SNX4: variants seen among roughly 807,000 people sequenced by gnomAD.
SNX4 encodes the protein sorting nexin-4.
SNX4 carries 49 observed loss-of-function variants against 70.8 expected under a neutral mutation model. The ratio of observed to expected loss-of-function variants is 0.69; its 90% CI spans 0.55 to 0.88. SNX4 has a LOEUF of 0.88. Ranked by LOEUF, SNX4 falls within the 40% of genes least tolerant of loss-of-function variation. The pLI is 0.00. For synonymous variants in SNX4, 206 were observed against 183.8 expected (o/e 1.12, Z -0.98); for missense variants, 528 against 544.8 (o/e 0.97, Z 0.31).
intron 2 of SNX4, among the ~76,000 whole-genome samples, chr3:125,502,853 C>A (rs1473175317): frequency 0.012 from 1,062 of 86,038 alleles, no homozygotes; most frequent in Middle Eastern, 0.022. Flanking sequence ...GACTCCATCT[C>A]AAAAAAAAAA....
intron 6 of SNX4, among the ~76,000 whole-genome samples, chr3:125,484,294 A>C (rs1934476422): frequency 6.6e-6 from 1 of 152,060 alleles, no homozygotes; most frequent in African/African-American, 2.4e-5. Flanking sequence ...TAGTTCTATC[A>C]CCCAGCCTGG....
intron 2 of SNX4, among the ~76,000 whole-genome samples, chr3:125,503,390 A>C (rs776293410): frequency 8.4e-4 from 128 of 152,126 alleles, no homozygotes; most frequent in Non-Finnish European, 1.5e-3. Context: ...AGACAAAACA[A>C]CTCTAATTCC....
intron 5 of SNX4, among the ~76,000 whole-genome samples, chr3:125,494,877 G>A (rs1017234157): frequency 6.6e-6 from 1 of 152,156 alleles, no homozygotes; most frequent in Admixed American, 6.5e-5. Context: ...TTTGCCTCAC[G>A]CCAAATGTAC....
At chr3:125,479,017 G>A (rs1934347010) in intron 7 of SNX4, among the ~76,000 whole-genome samples, 1 of 152,124 alleles carries the variant, frequency 6.6e-6, no homozygotes, top group Non-Finnish European at 1.5e-5. Context: ...AGTTAAACGG[G>A]AGATCAAGAC....
At chr3:125,459,588 C>A (rs1484440579) in intron 10 of SNX4, among the ~76,000 whole-genome samples, 1 of 152,090 alleles carries the variant, frequency 6.6e-6, no homozygotes, top group African/African-American at 2.4e-5. Context: ...AGGCACCCAC[C>A]ACTATGCCTG....
intron 1 of SNX4, among the ~76,000 whole-genome samples, chr3:125,508,974 A>G (rs964388704): frequency 3.3e-5 from 5 of 152,198 alleles, no homozygotes; most frequent in African/African-American, 9.7e-5. Flanking sequence ...CCAAAGGCAC[A>G]GGCAGTAAAA....
At chr3:125,511,200 C>T (rs2107572286) in intron 1 of SNX4, among the ~76,000 whole-genome samples, 1 of 152,350 alleles carries the variant, frequency 6.6e-6, no homozygotes, top group African/African-American at 2.4e-5. Context: ...AGGCATGAGC[C>T]ACCGTGCCCA....
intron 6 of SNX4, among the ~76,000 whole-genome samples, chr3:125,488,172 TAAA>T (rs35693375): frequency 3.2e-5 from 3 of 93,522 alleles, no homozygotes; most frequent in Non-Finnish European, 4.4e-5. Context: ...AATAGTCTAT[TAAA>T]AAAAAAAAAA....
intron 9 of SNX4, among the ~76,000 whole-genome samples, chr3:125,464,314 C>T (rs1026080586): frequency 5.9e-5 from 9 of 152,026 alleles, no homozygotes; most frequent in Non-Finnish European, 1.2e-4. Flanking sequence ...GACCAATTTG[C>T]CATTTAAAGT....
At chr3:125,498,902 C>T (rs1261983369) in intron 2 of SNX4, among the ~76,000 whole-genome samples, 1 of 152,190 alleles carries the variant, frequency 6.6e-6, no homozygotes, top group Non-Finnish European at 1.5e-5. Context: ...AACTTCACTT[C>T]TGCCAAAATG....
intron 5 of SNX4, 107 bp from the exon 6 acceptor site, chr3:125,489,570 A>G (rs369239003): frequency 1.2e-6 from 1 of 844,404 alleles, no homozygotes; most frequent in Non-Finnish European, 1.9e-6. Context: ...AGTTTTCTTC[A>G]TATCAATTGT....
chr3:125,495,327 T>C (rs559045723), intron 5 of SNX4, among the ~76,000 whole-genome samples: 51 of 142,796 alleles, frequency 3.6e-4, no homozygotes, highest in African/African-American at 1.3e-3. Flanking sequence ...TTGTGGACAT[T>C]TGTATGATGT....
intron 1 of SNX4, among the ~76,000 whole-genome samples, chr3:125,510,343 G>A (rs1321219588): frequency 1.3e-5 from 2 of 150,998 alleles, no homozygotes; most frequent in Non-Finnish European, 2.9e-5. Context: ...CCATTCTCCC[G>A]TCTCAGCCTC....
intron 6 of SNX4, 53 bp downstream of exon 6, chr3:125,489,355 T>C (rs1037340001): frequency 3.1e-6 from 4 of 1,305,676 alleles, no homozygotes; most frequent in Admixed American, 1.9e-5. Context: ...ATTAAATAGA[T>C]TGATAGCACC....
chr3:125,456,991 C>T (rs991674687), intron 11 of SNX4, among the ~76,000 whole-genome samples: 5 of 151,546 alleles, frequency 3.3e-5, no homozygotes, highest in Admixed American at 6.6e-5. Context: ...AAAACGAAAC[C>T]GGATGATACT....
intron 5 of SNX4, among the ~76,000 whole-genome samples, chr3:125,494,025 A>C (rs1459724249): frequency 1.4e-5 from 2 of 142,822 alleles, no homozygotes; most frequent in East Asian, 4.0e-4. Flanking sequence ...CGACAGAGCA[A>C]GACTCCATCT....
intron 1 of SNX4, among the ~76,000 whole-genome samples, chr3:125,512,409 A>G (rs1382541513): frequency 1.3e-5 from 2 of 152,202 alleles, no homozygotes; most frequent in East Asian, 1.9e-4. Context: ...AAAAAAGATA[A>G]AAGCATAAAA....
chr3:125,485,693 T>C (rs140429934), intron 6 of SNX4, among the ~76,000 whole-genome samples: 1 of 152,344 alleles, frequency 6.6e-6, no homozygotes, highest in Non-Finnish European at 1.5e-5. Flanking sequence ...TTATGCTTCT[T>C]TACAACTTGT....
At chr3:125,459,751 T>C (rs1579975962) in intron 10 of SNX4, among the ~76,000 whole-genome samples, 1 of 152,236 alleles carries the variant, frequency 6.6e-6, no homozygotes, top group Non-Finnish European at 1.5e-5. Context: ...TTTCTTTTGC[T>C]TGGTGACTTG....
Sources: allele counts gnomAD v4.1 joint callset (sites outside exome capture counted in the v4.1 genomes callset), GRCh38; gene constraint gnomAD v4.1.1; transcripts MANE v1.5; gene names NCBI Gene and HGNC (gene_info 2026-07-23, HGNC 2026-07-21).